The following CELF4 variants were observed in gnomAD, a reference collection of about 807,000 sequenced individuals.
CELF4 encodes CUG-BP- and ETR-3-like factor 4.
CELF4 carries 18 observed loss-of-function variants against 59.9 expected under a neutral mutation model. The observed-to-expected ratio is 0.30, with a 90% CI of 0.21 to 0.45. CELF4 has a LOEUF of 0.45. CELF4 is among the 20% of genes least tolerant of loss of function. The probability of loss-of-function intolerance (pLI) is 1.00; values close to 1 mark genes in which losing one functional copy is unlikely to be tolerated. For missense variants in CELF4, 456 were observed against 689.0 expected (o/e 0.66, Z 3.79); for synonymous variants, 261 against 267.1 (o/e 0.98, Z 0.22).
chr18:37,502,523 C>A (rs1305924039), intron 1 of CELF4, among the ~76,000 whole-genome samples: 1 of 152,166 alleles, frequency 6.6e-6, no homozygotes, highest in African/African-American at 2.4e-5. Context: ...TCTCATGAGA[C>A]AGGACAGTGG....
intron 1 of CELF4, among the ~76,000 whole-genome samples, chr18:37,533,145 G>A (rs1374438694): frequency 1.3e-5 from 2 of 152,240 alleles, no homozygotes; most frequent in Non-Finnish European, 2.9e-5. Context: ...CCAGGCACGT[G>A]GCTGCGGGTA....
At chr18:37,364,153 G>C (rs563181079) in intron 2 of CELF4, among the ~76,000 whole-genome samples, 2 of 152,342 alleles carry the variant, frequency 1.3e-5, no homozygotes, top group African/African-American at 2.4e-5. Context: ...GGGAGCTTCT[G>C]TTTGCACTTA....
chr18:37,262,490 G>A (rs1014935757), intron 10 of CELF4, among the ~76,000 whole-genome samples: 1 of 152,170 alleles, frequency 6.6e-6, no homozygotes, highest in Non-Finnish European at 1.5e-5. Flanking sequence ...ATGGTGGAGT[G>A]TAGGGTGGGA....
chr18:37,461,048 ACTCAACAG>A (rs2154602150), intron 2 of CELF4, among the ~76,000 whole-genome samples: 1 of 152,250 alleles, frequency 6.6e-6, no homozygotes, highest in Admixed American at 6.5e-5. Context: ...TGTCCATTTC[ACTCAACAG>A]CTCTTCCCTG....
chr18:37,449,283 G>C (rs992548871), intron 2 of CELF4, among the ~76,000 whole-genome samples: 1 of 152,174 alleles, frequency 6.6e-6, no homozygotes, highest in African/African-American at 2.4e-5. Context: ...AGCATGGGTT[G>C]CCTTTGACTG....
intron 2 of CELF4, among the ~76,000 whole-genome samples, chr18:37,482,281 T>C (rs543595672): frequency 8.5e-5 from 13 of 152,166 alleles, no homozygotes; most frequent in African/African-American, 3.1e-4. Context: ...GAAACAAATT[T>C]TGTGAATAGA....
intron 2 of CELF4, among the ~76,000 whole-genome samples, chr18:37,382,287 G>A (rs2099048848): frequency 6.6e-6 from 1 of 152,182 alleles, no homozygotes; most frequent in Non-Finnish European, 1.5e-5. Context: ...CAGTCAGCAT[G>A]TGCAGTTTGG....
At chr18:37,278,875 C>T (rs928618269) in intron 3 of CELF4, among the ~76,000 whole-genome samples, 2 of 152,192 alleles carry the variant, frequency 1.3e-5, no homozygotes, top group East Asian at 3.9e-4. Flanking sequence ...TCCCTGTCTC[C>T]CACCCACTCT....
chr18:37,386,101 G>T (rs2099096517), intron 2 of CELF4, among the ~76,000 whole-genome samples: 1 of 152,192 alleles, frequency 6.6e-6, no homozygotes, highest in Non-Finnish European at 1.5e-5. Flanking sequence ...ATGAATGAAT[G>T]TATTGATTTT....
chr18:37,275,565 A>C, intron 3 of CELF4: 1 of 353,026 alleles, frequency 2.8e-6, no homozygotes. Context: ...AGGAGCAGAG[A>C]CCCTGGGCTG....
At position 37,273,441 on chromosome 18, in the gene CELF4, G is replaced by T. The variant is rs892835277; in HGVS notation, c.802-278C>A. 12 of 1,175,596 alleles carry T rather than the reference G, an allele frequency of 1.0e-5. No homozygotes were observed. In the South Asian group the frequency reaches 3.0e-4, roughly 29 times the overall value. 72.8% of individuals were successfully genotyped at this position (1,175,596 alleles called of 1,614,324 possible). A position where few individuals can be genotyped will look rare whatever the true frequency, so the allele number is the denominator to read the frequency against. ...GCAGAGGAGGAGACTGGCTCTGTGG[G>T]TGCTAGTCAGCCCTGTGTACAGCCT... On this transcript the variant is annotated intron_variant, in intron 6 of 12. Coordinates refer to ENST00000420428, the MANE Select transcript of CELF4 (RefSeq NM_020180.4).
chr18:37,269,373 T>C (rs1421706914), intron 8 of CELF4, among the ~76,000 whole-genome samples: 2 of 152,346 alleles, frequency 1.3e-5, no homozygotes, highest in East Asian at 1.9e-4. Flanking sequence ...TATTTCCCTC[T>C]AGTACAGTGA....
At chr18:37,404,631 C>G (rs905926820) in intron 2 of CELF4, among the ~76,000 whole-genome samples, 1 of 152,188 alleles carries the variant, frequency 6.6e-6, no homozygotes, top group Admixed American at 6.5e-5. Flanking sequence ...CTCCAGCACT[C>G]TCACCCCATA....
chr18:37,375,508 G>A (rs1180281544), intron 2 of CELF4, among the ~76,000 whole-genome samples: 3 of 152,122 alleles, frequency 2.0e-5, no homozygotes, highest in Admixed American at 6.5e-5. Context: ...CCTGACCTCC[G>A]ATGCTGATGC....
At chr18:37,460,476 C>G (rs1482960430) in intron 2 of CELF4, among the ~76,000 whole-genome samples, 2 of 152,146 alleles carry the variant, frequency 1.3e-5, no homozygotes, top group Admixed American at 6.6e-5. Context: ...TATGGAATGG[C>G]CAGAAGTTCA....
At chr18:37,269,934 A>G (rs1236313401) in intron 8 of CELF4, among the ~76,000 whole-genome samples, 1 of 152,132 alleles carries the variant, frequency 6.6e-6, no homozygotes, top group African/African-American at 2.4e-5. Flanking sequence ...ACTTACTGAT[A>G]CTTACGGGGA....
chr18:37,360,842 G>A (rs773543951), intron 2 of CELF4, among the ~76,000 whole-genome samples: 16 of 152,224 alleles, frequency 1.1e-4, no homozygotes, highest in African/African-American at 1.9e-4. Flanking sequence ...GTTCTAATGC[G>A]TGGAGCTATG....
At chr18:37,424,824 C>T (rs1374880259) in intron 2 of CELF4, among the ~76,000 whole-genome samples, 3 of 152,116 alleles carry the variant, frequency 2.0e-5, no homozygotes, top group Non-Finnish European at 2.9e-5. Flanking sequence ...ATCTAAGCTC[C>T]GAAGTCCAGG....
At chr18:37,441,097 C>G (rs763623965) in intron 2 of CELF4, among the ~76,000 whole-genome samples, 1 of 152,184 alleles carries the variant, frequency 6.6e-6, no homozygotes, top group Admixed American at 6.5e-5. Context: ...TGTCTCTCCC[C>G]GCTGGACCAG....
Sources: allele counts gnomAD v4.1 joint callset (sites outside exome capture counted in the v4.1 genomes callset), GRCh38; gene constraint gnomAD v4.1.1; transcripts MANE v1.5; gene names NCBI Gene and HGNC (gene_info 2026-07-23, HGNC 2026-07-21).